Variants in PRPF19 observed in about 807,000 individuals in gnomAD.
PRPF19 encodes pre-mRNA processing factor 19, also known as pre-mRNA-processing factor 19.
Under a neutral mutation model 64.2 loss-of-function variants are expected in PRPF19, and 2 were observed. That is an observed-to-expected ratio of 0.03 (90% CI 0.01 to 0.10). The LOEUF (loss-of-function observed/expected upper bound fraction) is 0.10. PRPF19 is among the 10% of genes least tolerant of loss of function. The probability of loss-of-function intolerance (pLI) is 1.00; values close to 1 mark genes in which losing one functional copy is unlikely to be tolerated. For missense variants in PRPF19, 314 were observed against 650.0 expected, an observed-to-expected ratio of 0.48 and a Z score of 5.62; for synonymous variants, 226 against 251.6, an observed-to-expected ratio of 0.90 and a Z score of 0.96.
intron 10 of PRPF19, 52 bp from the exon 11 acceptor site, chr11:60,899,356 A>G (rs1855957018): frequency 6.5e-7 from 1 of 1,542,972 alleles, no homozygotes; most frequent in South Asian, 1.1e-5. Context: ...GATACAGACC[A>G]AAACAATCTT....
Position 60,906,419 on chromosome 11 carries a change from G to A in PRPF19, c.-37C>T, listed in dbSNP as rs753000659. On this transcript the variant is annotated 5_prime_UTR_variant, in exon 1 of 16. Coordinates refer to ENST00000227524, the MANE Select transcript of PRPF19 (RefSeq NM_014502.5). ...CGTGCTCCGAGGCGCCACACGCCGG[G>A]CTCCGGGACTAGCTTCTGAGCCTCC... 55 of 1,546,602 alleles carry A rather than the reference G, an allele frequency of 3.6e-5. No individual in the cohort carries two copies. The highest frequency in any genetic ancestry group is 2.3e-4 in the Admixed American group (12 of 52,054).
At position 60,897,867 on chromosome 11, in the gene PRPF19, T is replaced by A. The variant is rs1166682302; in HGVS notation, c.1396A>T (p.Thr466Ser). ...CTACCTGTAAAGTGAAGAATCTCCG[T>A]CCATTGTTTGCAGATGTAGATCTGG... The part of the protein sequence containing the change: ...DVQIYICKQW[T>S]EILHFTEHSG... The change falls in exon 15 of 16, where the codon ACG becomes TCG. Residue 466 changes from threonine (T) to serine (S), a missense_variant. Around this residue, in one of 7 missense-constraint regions of PRPF19, gnomAD observed 47 missense variants for 94.5 expected, o/e 0.50. Coordinates refer to ENST00000227524, the MANE Select transcript of PRPF19 (RefSeq NM_014502.5). 7 of 1,614,040 alleles carry A rather than the reference T, an allele frequency of 4.3e-6. No homozygotes were observed. The East Asian group carries it at 1.6e-4, about 36-fold the overall frequency.
Position 60,898,728 on chromosome 11 carries a change from C to T in PRPF19, c.1055-102G>A. The T allele has an allele frequency of 6.3e-7, 1 of 1,583,068 alleles. No individual in the cohort carries two copies. The highest frequency in any genetic ancestry group is 2.3e-5 in the East Asian group (1 of 43,768). On this transcript the variant is annotated intron_variant, in intron 12 of 15. Coordinates refer to ENST00000227524, the MANE Select transcript of PRPF19 (RefSeq NM_014502.5). The surrounding 1 kb of genome is among the most constrained non-coding windows in gnomAD (Gnocchi z 4.6). ...TGTTCTTCACATTCCTCAGTGAACCCAGCACAAAGCCCGCACTAGACAGGT... is the reference window on the plus strand; with the variant it reads ...TGTTCTTCACATTCCTCAGTGAACCTAGCACAAAGCCCGCACTAGACAGGT...
rs1351205460 is a variant in PRPF19 at position 60,898,794 on chromosome 11, C to T, written c.1054+68G>A. The T allele has an allele frequency of 6.7e-7, 1 of 1,498,624 alleles. No individual in the cohort carries two copies. Among genetic ancestry groups the T allele is most frequent in the Admixed American group, 2.3e-5 (1 of 43,232 alleles). 92.8% of individuals were successfully genotyped at this position (1,498,624 alleles called of 1,614,324 possible). A position where few individuals can be genotyped will look rare whatever the true frequency, so the allele number is the denominator to read the frequency against. On this transcript the variant is annotated intron_variant, in intron 12 of 15. Coordinates refer to ENST00000227524, the MANE Select transcript of PRPF19 (RefSeq NM_014502.5). This position sits in a 1 kb window ranked among gnomAD's most constrained non-coding sequence, Gnocchi z 4.6. ...ATCTTTAGAACAAATAAACAAATGA[C>T]TAAATAAAATGTAAAAATAAATAAT...
chr11:60,902,926 G>A lies in PRPF19; in HGVS notation c.247-45C>T, dbSNP rs1263804895. On this transcript the variant is annotated intron_variant, in intron 3 of 15. Coordinates refer to ENST00000227524, the MANE Select transcript of PRPF19 (RefSeq NM_014502.5). This position sits in a 1 kb window ranked among gnomAD's most constrained non-coding sequence, Gnocchi z 5.0. ...TTGTAAGGTGAGGTGGGGGGTGCAG[G>A]GAGTACCCAGTGGAGTCAGCCCTTG... 1 of 1,599,438 alleles carries A rather than the reference G, an allele frequency of 6.3e-7. No homozygotes were observed. Among genetic ancestry groups the A allele is most frequent in the Non-Finnish European group, 8.5e-7 (1 of 1,176,210 alleles).
intron 10 of PRPF19, among the ~76,000 whole-genome samples, 186 bp from the exon 11 acceptor site, chr11:60,899,490 T>C: frequency 6.6e-6 from 1 of 152,190 alleles, no homozygotes; most frequent in East Asian, 1.9e-4. Flanking sequence ...GCTATTAAAG[T>C]GCTAACTCAT....
intron 8 of PRPF19, 45 bp downstream of exon 8, chr11:60,901,250 A>G (rs1219106327): frequency 6.2e-7 from 1 of 1,605,190 alleles, no homozygotes; most frequent in East Asian, 2.2e-5. Context: ...CCCAGAAACA[A>G]AACGGGAGGG....
chr11:60,892,488 T>C (rs1248528203), intron 15 of PRPF19, among the ~76,000 whole-genome samples: 3 of 152,186 alleles, frequency 2.0e-5, no homozygotes, highest in Non-Finnish European at 4.4e-5. Flanking sequence ...ACTTGCAATA[T>C]TTTCAGCTTA....
chr11:60,904,767 C>T lies in PRPF19; in HGVS notation c.20-906G>A, dbSNP rs553276911. Among the ~76,000 whole-genome samples the T allele has an allele frequency of 1.4e-3, 211 of 152,344 alleles. 3 individuals carry two copies. Among genetic ancestry groups the T allele is most frequent in the African/African-American group, 4.9e-3 (202 of 41,574 alleles). On this transcript the variant is annotated intron_variant, in intron 1 of 15. Transcript: ENST00000227524. ...CCACATGTTCTGCTATACAGAAGCT[C>T]TTTGAATCCTGTCCTTTTGTATTTT...
In PRPF19 at chr11:60,903,785, C is replaced by T; in HGVS notation, c.96G>A (p.Lys32=). 1 of 1,605,740 alleles carries T rather than the reference C, an allele frequency of 6.2e-7. No homozygotes were observed. Among genetic ancestry groups the T allele is most frequent in the Non-Finnish European group, 8.5e-7 (1 of 1,178,158 alleles). Residue 32 remains lysine, a synonymous_variant, in exon 2 of 16, where the codon AAG becomes AAA. Transcript: ENST00000227524. The part of the protein sequence containing the change: ...NHVYERRLIE[K]YIAENGTDPI... ...GGTCGGTACCATTCTCCGCAATGTA[C>T]TTCTCGATGAGCCGCCGCTCATAAA...
At chr11:60,892,096 CT>C (rs1855867234) in intron 15 of PRPF19, among the ~76,000 whole-genome samples, 1 of 152,194 alleles carries the variant, frequency 6.6e-6, no homozygotes, top group African/African-American at 2.4e-5. Flanking sequence ...ACAACACCAG[CT>C]GTCACACCCT....
chr11:60,896,168 G>A (rs1855918533), intron 15 of PRPF19, among the ~76,000 whole-genome samples: 1 of 152,112 alleles, frequency 6.6e-6, no homozygotes, highest in Admixed American at 6.5e-5. Flanking sequence ...AGTGCAATAA[G>A]ACAAGGTATG....
At chr11:60,905,288 T>C (rs528252695) in intron 1 of PRPF19, 1 of 152,176 alleles carries the variant, frequency 6.6e-6, no homozygotes, top group East Asian at 1.9e-4. Flanking sequence ...GAGTGAACCA[T>C]GCCAGGAAGG....
rs1855944384 is a variant in PRPF19 at position 60,898,343 on chromosome 11, TCCTA to T, written c.1141-76_1141-73del. ...AGGAAGAAAATGGGGCTCACCAAAC[TCCTA>T]CCTGAGATGTCCCTCACGTCCTTCC... is the stretch of plus-strand genomic sequence containing the variant. On this transcript the variant is annotated intron_variant, in intron 13 of 15. Transcript: ENST00000227524. The surrounding 1 kb of genome is among the most constrained non-coding windows in gnomAD (Gnocchi z 4.6). The T allele has an allele frequency of 1.9e-6, 3 of 1,564,062 alleles. No homozygotes were observed. The highest frequency in any genetic ancestry group is 1.8e-5 in the Admixed American group (1 of 54,102).
chr11:60,895,602 A>G (rs1417474104), intron 15 of PRPF19, among the ~76,000 whole-genome samples: 1 of 152,106 alleles, frequency 6.6e-6, no homozygotes, highest in Non-Finnish European at 1.5e-5. Context: ...TTCCTTCAAG[A>G]ATTTTCCTTT....
At chr11:60,897,481 C>G (rs1303407977) in intron 15 of PRPF19, 1 of 191,724 alleles carries the variant, frequency 5.2e-6, no homozygotes, top group Admixed American at 5.6e-5. Context: ...ATCATCTGAC[C>G]CTTCTGCAGA....
At position 60,902,497 on chromosome 11, in the gene PRPF19, C is replaced by G; in HGVS notation, c.463-32G>C. The G allele has an allele frequency of 6.2e-7, 1 of 1,612,258 alleles. No individual in the cohort carries two copies. Among genetic ancestry groups the G allele is most frequent in the African/African-American group, 1.3e-5 (1 of 74,968 alleles). On this transcript the variant is annotated intron_variant, in intron 5 of 15. Transcript: ENST00000227524. This position sits in a 1 kb window ranked among gnomAD's most constrained non-coding sequence, Gnocchi z 5.0. ...AGAAGAAAGGTGAGGGTGAGAGGCA[C>G]AGAGCACCAAAGACACCTGCATAAG...
At chr11:60,901,815 T>G (rs901398734) in intron 6 of PRPF19, among the ~76,000 whole-genome samples, 2 of 152,120 alleles carry the variant, frequency 1.3e-5, no homozygotes, top group Non-Finnish European at 2.9e-5. Context: ...AGAGCAAGAA[T>G]AGAAGCTAGG....
chr11:60,906,231 C>G, intron 1 of PRPF19, 133 bp downstream of exon 1: 2 of 1,371,836 alleles, frequency 1.5e-6, no homozygotes, highest in Admixed American at 3.2e-5. Flanking sequence ...CCGGTGCTGA[C>G]AGGCCGCCGC....
Sources: allele counts gnomAD v4.1 joint callset (sites outside exome capture counted in the v4.1 genomes callset), GRCh38; gene constraint gnomAD v4.1.1; regional missense constraint gnomAD v4.1.1; non-coding constraint Gnocchi (gnomAD v3.1); transcripts MANE v1.5; gene names NCBI Gene and HGNC (gene_info 2026-07-23, HGNC 2026-07-21).